Variants in TLE4 observed in about 807,000 individuals in gnomAD.
TLE4 encodes TLE family member 4, transcriptional corepressor, also known as transducin-like enhancer protein 4.
In TLE4, 8 loss-of-function variants were observed where a neutral mutation model predicts 92.8. The observed-to-expected ratio is 0.09, with a 90% CI of 0.05 to 0.16. The LOEUF (loss-of-function observed/expected upper bound fraction) is 0.16, where lower values mean the gene tolerates loss of function less well. Among genes scored for constraint, TLE4 ranks in the 10% least tolerant of loss-of-function variants. TLE4 has a pLI of 1.00. For missense variants in TLE4, 675 were observed against 997.6 expected (o/e 0.68, Z 4.36); for synonymous variants, 371 against 374.1 (o/e 0.99, Z 0.10).
At chr9:79,586,073 G>A (rs1417947414) in intron 4 of TLE4, among the ~76,000 whole-genome samples, 2 of 140,590 alleles carry the variant, frequency 1.4e-5, no homozygotes, top group East Asian at 4.3e-4. Flanking sequence ...TTTTCCTTTG[G>A]CATATATTAG....
intron 12 of TLE4, 38 bp from the exon 13 acceptor site, chr9:79,708,555 G>C: frequency 6.4e-7 from 1 of 1,573,426 alleles, no homozygotes. Flanking sequence ...GTTGTTTCCT[G>C]TGTTCTTCAT....
chr9:79,633,715 T>G (rs2054943961), intron 6 of TLE4, among the ~76,000 whole-genome samples: 1 of 152,196 alleles, frequency 6.6e-6, no homozygotes, highest in Non-Finnish European at 1.5e-5. Context: ...TTGTGTCACT[T>G]TTGTAATTCT....
intron 4 of TLE4, among the ~76,000 whole-genome samples, chr9:79,583,220 T>G (rs963402860): frequency 6.6e-6 from 1 of 152,162 alleles, no homozygotes; most frequent in Non-Finnish European, 1.5e-5. Context: ...GACCCAAAAC[T>G]TATCCCTGGA....
At position 79,685,325 on chromosome 9, in the gene TLE4, T is replaced by C. The variant is rs568174603; in HGVS notation, c.610-19458T>C. ...ATGCTTAATGCTAGATTAGAACAGA[T>C]TTTTTTTTCTGTTTATGCAAGCTCA... is the stretch of plus-strand genomic sequence containing the variant. On this transcript the variant is annotated intron_variant, in intron 8 of 19. Coordinates refer to ENST00000376552, the MANE Select transcript of TLE4 (RefSeq NM_007005.6). Among the ~76,000 whole-genome samples the C allele has an allele frequency of 8.3e-4, 126 of 151,566 alleles. 1 individual carries two copies. The highest frequency in any genetic ancestry group is 3.4e-3 in the Middle Eastern group (1 of 294).
chr9:79,652,963 T>C, intron 7 of TLE4, 169 bp downstream of exon 7: 1 of 817,178 alleles, frequency 1.2e-6, no homozygotes, highest in Non-Finnish European at 2.1e-6. Flanking sequence ...CCAAATGATA[T>C]TCTAGTGGTT....
At position 79,616,097 on chromosome 9, in the gene TLE4, A is replaced by G. The variant is rs147602433; in HGVS notation, c.315+3379A>G. 8.3e-3 allele frequency among the ~76,000 whole-genome samples: 1,263 copies of G among 152,308 alleles called. 17 individuals are homozygous for G. Among genetic ancestry groups the G allele is most frequent in the African/African-American group, 0.029 (1,200 of 41,556 alleles). ...TTCAAAAAGCCATCTCAAGGTGGTA[A>G]ACGGGAAGCTCTTTTCTTTCCCTAT... On this transcript the variant is annotated intron_variant, in intron 5 of 19. Coordinates refer to ENST00000376552, the MANE Select transcript of TLE4 (RefSeq NM_007005.6).
intron 6 of TLE4, among the ~76,000 whole-genome samples, chr9:79,633,195 A>G (rs2133741029): frequency 1.3e-5 from 2 of 152,258 alleles, no homozygotes; most frequent in Middle Eastern, 3.4e-3. Flanking sequence ...TCATATATTT[A>G]AGTAATTTAA....
chr9:79,667,893 T>G (rs1441776761), intron 8 of TLE4, among the ~76,000 whole-genome samples: 1 of 152,258 alleles, frequency 6.6e-6, no homozygotes, highest in Non-Finnish European at 1.5e-5. Flanking sequence ...TGATTTCTCT[T>G]TTCATCTGCC....
rs560358171 is a variant in TLE4 at position 79,691,613 on chromosome 9, G to A, written c.610-13170G>A. Among the ~76,000 whole-genome samples the A allele has an allele frequency of 3.3e-5, 5 of 152,014 alleles. No homozygotes were observed. The East Asian group carries it at 5.8e-4, about 18-fold the overall frequency. The stretch of plus-strand genomic sequence containing the variant: ...GTGCTCTCCCACCTGCTCCCTCCAC[G>A]TCAGCACCCAGTCCTCCTGTGTGCT... On this transcript the variant is annotated intron_variant, in intron 8 of 19. Coordinates refer to ENST00000376552, the MANE Select transcript of TLE4 (RefSeq NM_007005.6).
At chr9:79,687,953 A>G (rs954482948) in intron 8 of TLE4, among the ~76,000 whole-genome samples, 3 of 152,202 alleles carry the variant, frequency 2.0e-5, no homozygotes, top group Non-Finnish European at 1.5e-5. Flanking sequence ...TGCATTTCTA[A>G]CAAGCCCTCA....
At chr9:79,707,617 T>C (rs1233014667) in intron 11 of TLE4, among the ~76,000 whole-genome samples, 1 of 152,286 alleles carries the variant, frequency 6.6e-6, no homozygotes, top group East Asian at 1.9e-4. Context: ...ACGGGCTAGA[T>C]TGTTGGTGTT....
At chr9:79,703,022 A>G (rs556728819) in intron 8 of TLE4, among the ~76,000 whole-genome samples, 2 of 152,234 alleles carry the variant, frequency 1.3e-5, no homozygotes, top group African/African-American at 2.4e-5. Context: ...GTATGTTTTT[A>G]TAAACATCAG....
chr9:79,589,621 T>A (rs1198403522), intron 4 of TLE4, among the ~76,000 whole-genome samples: 1 of 152,130 alleles, frequency 6.6e-6, no homozygotes, highest in African/African-American at 2.4e-5. Context: ...CTGTCCCCCA[T>A]CGAAGTCACT....
chr9:79,661,988 A>T (rs1167123363), intron 8 of TLE4, among the ~76,000 whole-genome samples: 2 of 152,164 alleles, frequency 1.3e-5, no homozygotes, highest in Admixed American at 6.5e-5. Context: ...CAACACACAC[A>T]TACATGTAAT....
At chr9:79,654,523 A>T (rs1328102550) in intron 8 of TLE4, among the ~76,000 whole-genome samples, 2 of 151,454 alleles carry the variant, frequency 1.3e-5, no homozygotes, top group Non-Finnish European at 2.9e-5. Context: ...CACTAGAAAT[A>T]ATTTTCTCTT....
At chr9:79,652,849 A>G (rs1486359220) in intron 7 of TLE4, 55 bp downstream of exon 7, 1 of 1,555,250 alleles carries the variant, frequency 6.4e-7, no homozygotes, top group East Asian at 2.2e-5. Context: ...TGCTGAGGGT[A>G]GGTTCTGGAT....
At chr9:79,693,719 T>C in intron 8 of TLE4, 1 of 498,350 alleles carries the variant, frequency 2.0e-6, no homozygotes, top group Non-Finnish European at 4.0e-6. Context: ...CACTTATGAA[T>C]TGTCCTTGCA....
chr9:79,679,138 G>A (rs1588147396), intron 8 of TLE4, among the ~76,000 whole-genome samples: 1 of 152,164 alleles, frequency 6.6e-6, no homozygotes, highest in South Asian at 2.1e-4. Flanking sequence ...TATATACCCA[G>A]TAATGGGATG....
intron 6 of TLE4, among the ~76,000 whole-genome samples, chr9:79,628,944 G>T (rs1434845694): frequency 1.3e-5 from 2 of 151,984 alleles, no homozygotes; most frequent in Non-Finnish European, 2.9e-5. Context: ...ATTGACGTGT[G>T]TGCACAAGTG....
Sources: allele counts gnomAD v4.1 joint callset (sites outside exome capture counted in the v4.1 genomes callset), GRCh38; gene constraint gnomAD v4.1.1; transcripts MANE v1.5; gene names NCBI Gene and HGNC (gene_info 2026-07-23, HGNC 2026-07-21).